The following TSPAN14 variants were observed in gnomAD, a reference collection of about 807,000 sequenced individuals.
The protein encoded by TSPAN14 is tetraspanin-14.
In TSPAN14, 16 loss-of-function variants were observed where a neutral mutation model predicts 36.6. The ratio of observed to expected loss-of-function variants is 0.44; its 90% CI spans 0.30 to 0.66. The LOEUF (loss-of-function observed/expected upper bound fraction) is 0.66, where lower values mean the gene tolerates loss of function less well. TSPAN14 is among the 30% of genes least tolerant of loss of function. The probability of loss-of-function intolerance (pLI) is 0.12; values close to 1 mark genes in which losing one functional copy is unlikely to be tolerated. For synonymous variants in TSPAN14, 139 were observed against 143.8 expected, an observed-to-expected ratio of 0.97 and a Z score of 0.24; for missense variants, 231 against 355.1, an observed-to-expected ratio of 0.65 and a Z score of 2.81.
rs188433636 is a variant in TSPAN14 at position 80,470,173 on chromosome 10, C to T, written c.-18+15802C>T. On this transcript the variant is annotated intron_variant, in intron 1 of 8. Transcript: ENST00000429989. ...CGTTCTCAGCTCACTGAAATCTCCGCCTCCCAGATTCAAGCAATTCTCCTG... is the reference window on the plus strand; with the variant it reads ...CGTTCTCAGCTCACTGAAATCTCCGTCTCCCAGATTCAAGCAATTCTCCTG... 7.2e-5 allele frequency among the ~76,000 whole-genome samples: 11 copies of T among 152,272 alleles called. No homozygotes were observed. In the East Asian group the frequency reaches 2.1e-3, roughly 29 times the overall value.
rs141601266 is a variant in TSPAN14, at chr10:80,492,956, A to G, written c.81+3642A>G. On this transcript the variant is annotated intron_variant, in intron 2 of 8. Transcript: ENST00000429989. ...TTGTTAAAACCTGCTTGGGATAAGA[A>G]ATGTGGATGCCACTGATGTTTGCAT... Among the ~76,000 whole-genome samples, 11 of 152,304 alleles carry G rather than the reference A, an allele frequency of 7.2e-5. No homozygotes were observed. In the East Asian group the frequency reaches 2.1e-3, roughly 29 times the overall value.
chr10:80,515,247 A>C (rs2132065701), intron 7 of TSPAN14, among the ~76,000 whole-genome samples: 1 of 152,320 alleles, frequency 6.6e-6, no homozygotes, highest in East Asian at 1.9e-4. Flanking sequence ...GGAGGCTAGA[A>C]GTCCAAGATC....
At chr10:80,479,652 ATC>A (rs1847134621) in intron 1 of TSPAN14, among the ~76,000 whole-genome samples, 1 of 152,090 alleles carries the variant, frequency 6.6e-6, no homozygotes, top group Non-Finnish European at 1.5e-5. Context: ...ATTGGTCTAT[ATC>A]TCTGTTTTGG....
At chr10:80,489,784 A>C (rs1240394148) in intron 2 of TSPAN14, among the ~76,000 whole-genome samples, 1 of 152,224 alleles carries the variant, frequency 6.6e-6, no homozygotes, top group African/African-American at 2.4e-5. Context: ...CAGGACAGTG[A>C]GGGAGAAGCT....
intron 1 of TSPAN14, among the ~76,000 whole-genome samples, chr10:80,482,566 G>A (rs1847339623): frequency 6.6e-6 from 1 of 150,966 alleles, no homozygotes; most frequent in South Asian, 2.1e-4. Context: ...GTGATTATAG[G>A]CATGAACCAC....
chr10:80,485,375 T>C (rs1297885556), intron 1 of TSPAN14, among the ~76,000 whole-genome samples: 1 of 152,224 alleles, frequency 6.6e-6, no homozygotes, highest in Non-Finnish European at 1.5e-5. Context: ...GTTTCAGCAC[T>C]ACTGCCTTTA....
At chr10:80,456,684 G>A (rs878893280) in intron 1 of TSPAN14, among the ~76,000 whole-genome samples, 1 of 152,252 alleles carries the variant, frequency 6.6e-6, no homozygotes, top group East Asian at 1.9e-4. Context: ...TGAAGGACAA[G>A]ATTATTTCAT....
Position 80,509,773 on chromosome 10 carries a change from C to T in TSPAN14, c.450+302C>T, listed in dbSNP as rs926123848. On this transcript the variant is annotated intron_variant, in intron 5 of 8. Coordinates refer to ENST00000429989, the Ensembl canonical transcript of TSPAN14. This position sits in a 1 kb window ranked among gnomAD's most constrained non-coding sequence, Gnocchi z 4.7. ...CGGCCCCAGATCTTTCCAATCCTGC[C>T]CAATAGCCATACCAGCTGCAATCCT... The T allele has an allele frequency of 8.3e-6, 3 of 362,400 alleles. No individual in the cohort carries two copies. Among genetic ancestry groups the T allele is most frequent in the Non-Finnish European group, 1.5e-5 (3 of 195,432 alleles). 22.4% of individuals were successfully genotyped at this position (362,400 alleles called of 1,614,324 possible).
intron 1 of TSPAN14, among the ~76,000 whole-genome samples, chr10:80,484,550 G>T (rs184638510): frequency 6.6e-6 from 1 of 152,100 alleles, no homozygotes; most frequent in Non-Finnish European, 1.5e-5. Flanking sequence ...CATTTGTTAC[G>T]TTATTCTTCC....
chr10:80,494,966 G>A (rs988420192), intron 2 of TSPAN14, among the ~76,000 whole-genome samples: 71 of 152,172 alleles, frequency 4.7e-4, no homozygotes, highest in African/African-American at 2.4e-5. Flanking sequence ...TATCCTGTGA[G>A]TAGTATCCTT....
intron 5 of TSPAN14, among the ~76,000 whole-genome samples, 178 bp from the exon 6 acceptor site, chr10:80,511,966 G>A (rs1014543551): frequency 6.6e-6 from 1 of 151,874 alleles, no homozygotes; most frequent in African/African-American, 2.4e-5. Flanking sequence ...CTTCTTAAAG[G>A]GCTGCCTGGG....
chr10:80,485,685 G>A (rs973705733), intron 1 of TSPAN14: 1 of 985,462 alleles, frequency 1.0e-6, no homozygotes, highest in Non-Finnish European at 1.2e-6. Flanking sequence ...CAACACAGCA[G>A]AGAGGGACAG....
intron 5 of TSPAN14, among the ~76,000 whole-genome samples, 180 bp from the exon 6 acceptor site, chr10:80,511,964 A>AG (rs1056277660): frequency 1.3e-5 from 2 of 152,000 alleles, no homozygotes; most frequent in African/African-American, 4.8e-5. Flanking sequence ...TTCTTCTTAA[A>AG]GGGCTGCCTG....
chr10:80,457,680 C>G (rs1474945982), intron 1 of TSPAN14, among the ~76,000 whole-genome samples: 3 of 152,174 alleles, frequency 2.0e-5, no homozygotes, highest in Non-Finnish European at 4.4e-5. Flanking sequence ...CCCGGAACCC[C>G]CGCTGATTGG....
chr10:80,507,620 G>A (rs2132047882), intron 4 of TSPAN14, among the ~76,000 whole-genome samples: 1 of 152,342 alleles, frequency 6.6e-6, no homozygotes, highest in South Asian at 2.1e-4. Flanking sequence ...CTATAGGCCA[G>A]CTCTACTCCC....
intron 1 of TSPAN14, among the ~76,000 whole-genome samples, chr10:80,478,251 G>C (rs922791836): frequency 6.6e-6 from 1 of 152,178 alleles, no homozygotes; most frequent in Non-Finnish European, 1.5e-5. Flanking sequence ...AATAAGAGCA[G>C]AGCAAAGATA....
At chr10:80,478,494 G>T (rs1247600210) in intron 1 of TSPAN14, among the ~76,000 whole-genome samples, 2 of 152,200 alleles carry the variant, frequency 1.3e-5, no homozygotes, top group Non-Finnish European at 2.9e-5. Context: ...CTATGGAGGG[G>T]CCTGTGGAAT....
chr10:80,463,999 C>T (rs963993400), intron 1 of TSPAN14, among the ~76,000 whole-genome samples: 1 of 152,182 alleles, frequency 6.6e-6, no homozygotes, highest in African/African-American at 2.4e-5. Context: ...GCTCATGCAG[C>T]CTGTGCCCCT....
chr10:80,480,642 A>G (rs1462613174), intron 1 of TSPAN14, among the ~76,000 whole-genome samples: 3 of 152,214 alleles, frequency 2.0e-5, no homozygotes, highest in Non-Finnish European at 4.4e-5. Context: ...GACATGGATG[A>G]AATTGGAAAT....
Sources: gnomAD v4.1 joint callset for allele counts (sites outside exome capture counted in the v4.1 genomes callset) on GRCh38, gnomAD v4.1.1 for gene constraint, Gnocchi (gnomAD v3.1) non-coding constraint, MANE v1.5 for transcripts, NCBI Gene and HGNC (gene_info 2026-07-23, HGNC 2026-07-21) for gene names.